GALNTL6: variants seen among roughly 807,000 people sequenced by gnomAD.
The protein encoded by GALNTL6 is polypeptide N-acetylgalactosaminyltransferase like 6.
A neutral mutation model predicts 73.7 loss-of-function variants in GALNTL6; 46 were observed. The ratio of observed to expected loss-of-function variants is 0.62; its 90% CI spans 0.49 to 0.80. The LOEUF is 0.80. Among genes scored for constraint, GALNTL6 ranks in the 30% least tolerant of loss-of-function variants. The pLI is 0.00. For synonymous variants in GALNTL6, 259 were observed against 263.7 expected, an observed-to-expected ratio of 0.98 and a Z score of 0.17; for missense variants, 604 against 755.0, an observed-to-expected ratio of 0.80 and a Z score of 2.34.
intron 2 of GALNTL6, among the ~76,000 whole-genome samples, chr4:172,196,246 C>T (rs568815317): frequency 3.9e-5 from 6 of 151,942 alleles, no homozygotes; most frequent in South Asian, 4.1e-4. Flanking sequence ...GACTGAAATA[C>T]GAAGAAGGTG....
chr4:172,617,531 T>C (rs28379663), intron 5 of GALNTL6, among the ~76,000 whole-genome samples: 56,704 of 151,692 alleles, frequency 0.37, 11,642 homozygotes, highest in African/African-American at 0.52. Flanking sequence ...GGCTGGAGAG[T>C]AGTGGCACGA....
At chr4:172,216,368 A>C (rs1736498769) in intron 2 of GALNTL6, among the ~76,000 whole-genome samples, 1 of 151,588 alleles carries the variant, frequency 6.6e-6, no homozygotes, top group Non-Finnish European at 1.5e-5. Context: ...ATTTCATTCC[A>C]AACTCTTTTT....
chr4:172,193,617 C>G (rs542588407), intron 2 of GALNTL6, among the ~76,000 whole-genome samples: 1 of 151,970 alleles, frequency 6.6e-6, no homozygotes. Flanking sequence ...AATCCCAGCA[C>G]TTTGGGAGGC....
At chr4:172,962,914 C>T (rs182942650) in intron 10 of GALNTL6, among the ~76,000 whole-genome samples, 171 of 152,202 alleles carry the variant, frequency 1.1e-3, no homozygotes, top group Non-Finnish European at 1.7e-3. Flanking sequence ...CTGCCTGCCG[C>T]GCTTCGGTTT....
At chr4:172,203,096 G>A (rs1287776513) in intron 2 of GALNTL6, among the ~76,000 whole-genome samples, 3 of 152,194 alleles carry the variant, frequency 2.0e-5, no homozygotes, top group Non-Finnish European at 4.4e-5. Context: ...AATAAAAATA[G>A]GCAGTGTTTG....
chr4:172,629,755 T>C (rs980922197), intron 5 of GALNTL6, among the ~76,000 whole-genome samples: 47 of 152,282 alleles, frequency 3.1e-4, no homozygotes, highest in African/African-American at 1.0e-3. Flanking sequence ...GGAATTCCAA[T>C]GATGATGTAG....
chr4:172,424,349 A>G (rs1731154603), intron 5 of GALNTL6, among the ~76,000 whole-genome samples: 3 of 152,034 alleles, frequency 2.0e-5, no homozygotes, highest in East Asian at 3.9e-4. Context: ...TGATTGATGA[A>G]ATTGTATAAT....
intron 2 of GALNTL6, among the ~76,000 whole-genome samples, chr4:171,880,613 T>A (rs951084450): frequency 1.3e-5 from 2 of 152,016 alleles, no homozygotes; most frequent in African/African-American, 4.8e-5. Flanking sequence ...ACTCACAAGA[T>A]GACAAAATAT....
chr4:172,076,430 G>C lies in GALNTL6; in HGVS notation c.139-153226G>C, dbSNP rs1731706489. On this transcript the variant is annotated intron_variant, in intron 2 of 12. Coordinates refer to ENST00000506823, the MANE Select transcript of GALNTL6 (RefSeq NM_001034845.3). ...TTCTTTCAATTTTATAATGGTAATAGGTGTACTGAATTGTGTTGCTGGAAG... is the reference window on the plus strand; with the variant it reads ...TTCTTTCAATTTTATAATGGTAATACGTGTACTGAATTGTGTTGCTGGAAG... Among the ~76,000 whole-genome samples the C allele has an allele frequency of 2.0e-5, 3 of 152,194 alleles. No individual in the cohort carries two copies. In the South Asian group the frequency reaches 6.2e-4, roughly 32 times the overall value.
chr4:172,956,119 G>A (rs1161578056), intron 10 of GALNTL6, among the ~76,000 whole-genome samples: 1 of 152,014 alleles, frequency 6.6e-6, no homozygotes, highest in African/African-American at 2.4e-5. Context: ...TGAAGTGGTG[G>A]GGCGGCAAAA....
intron 5 of GALNTL6, among the ~76,000 whole-genome samples, chr4:172,447,314 G>A (rs1732058617): frequency 6.6e-6 from 1 of 152,044 alleles, no homozygotes; most frequent in Admixed American, 6.6e-5. Flanking sequence ...ATTATATTCT[G>A]CCCTCAAAGA....
chr4:172,458,416 CTCA>C (rs1248863914), intron 5 of GALNTL6, among the ~76,000 whole-genome samples: 1 of 151,272 alleles, frequency 6.6e-6, no homozygotes, highest in African/African-American at 2.4e-5. Context: ...CCTGCAAAAA[CTCA>C]GTGAATTCAG....
intron 4 of GALNTL6, among the ~76,000 whole-genome samples, chr4:172,343,430 G>GTATCTCTT (rs1254644953): frequency 3.9e-5 from 6 of 152,052 alleles, no homozygotes; most frequent in African/African-American, 1.4e-4. Context: ...ATGTACTAAA[G>GTATCTCTT]TATCTCTTTT....
chr4:172,371,092 G>T (rs543353568), intron 5 of GALNTL6, among the ~76,000 whole-genome samples: 1 of 152,178 alleles, frequency 6.6e-6, no homozygotes, highest in South Asian at 2.1e-4. Flanking sequence ...TTAAGATTTG[G>T]CTCAGTGCAA....
chr4:172,726,535 T>C (rs1735821870), intron 5 of GALNTL6, among the ~76,000 whole-genome samples: 1 of 152,190 alleles, frequency 6.6e-6, no homozygotes, highest in African/African-American at 2.4e-5. Context: ...TGGCTATTAC[T>C]ATAACTATCT....
Position 172,817,308 on chromosome 4 carries a change from G to A in GALNTL6, c.923+3585G>A, listed in dbSNP as rs143074374. Among the ~76,000 whole-genome samples, 1,361 of 152,022 alleles carry A rather than the reference G, an allele frequency of 9.0e-3. 22 individuals are homozygous for A. Among genetic ancestry groups the A allele is most frequent in the African/African-American group, 0.031 (1,267 of 41,452 alleles). ...TAGTGGGGCATGGTGGTGCACGCCT[G>A]TAGTCCCAGCTACTTGGGAAGCTGA... is the stretch of plus-strand genomic sequence containing the variant. On this transcript the variant is annotated intron_variant, in intron 7 of 12. Transcript: ENST00000506823.
At chr4:171,952,523 C>G (rs965114884) in intron 2 of GALNTL6, among the ~76,000 whole-genome samples, 3 of 151,896 alleles carry the variant, frequency 2.0e-5, no homozygotes, top group Non-Finnish European at 4.4e-5. Flanking sequence ...ATTTCAATGA[C>G]TTATTATCAA....
chr4:172,866,857 C>T (rs1744691714), intron 7 of GALNTL6, among the ~76,000 whole-genome samples: 1 of 152,184 alleles, frequency 6.6e-6, no homozygotes, highest in African/African-American at 2.4e-5. Context: ...TGGGCTTGTG[C>T]TATGAATTTA....
chr4:172,026,511 A>C (rs1318004159), intron 2 of GALNTL6, among the ~76,000 whole-genome samples: 1 of 152,174 alleles, frequency 6.6e-6, no homozygotes, highest in African/African-American at 2.4e-5. Context: ...TATTTAGTTC[A>C]ACTGAGGGAT....
Sources: allele counts gnomAD v4.1 joint callset (sites outside exome capture counted in the v4.1 genomes callset), GRCh38; gene constraint gnomAD v4.1.1; transcripts MANE v1.5; gene names NCBI Gene and HGNC (gene_info 2026-07-23, HGNC 2026-07-21).